The following TRPM3 variants were observed in gnomAD, a reference collection of about 807,000 sequenced individuals.
TRPM3 encodes the protein long transient receptor potential channel 3.
In TRPM3, 77 loss-of-function variants were observed where a neutral mutation model predicts 181.2. That is an observed-to-expected ratio of 0.42 (90% CI 0.35 to 0.51). The LOEUF (loss-of-function observed/expected upper bound fraction) is 0.51. Ranked by LOEUF, TRPM3 falls within the 20% of genes least tolerant of loss-of-function variation. TRPM3 has a pLI of 0.01. For missense variants in TRPM3, 1,759 were observed against 2,196.7 expected (o/e 0.80, Z 3.98); for synonymous variants, 745 against 796.4 (o/e 0.94, Z 1.09).
At chr9:70,642,216 T>C (rs1371276759) in intron 9 of TRPM3, among the ~76,000 whole-genome samples, 1 of 152,114 alleles carries the variant, frequency 6.6e-6, no homozygotes, top group African/African-American at 2.4e-5. Flanking sequence ...GGGGACTGGG[T>C]CTTATTGTCT....
intron 22 of TRPM3, among the ~76,000 whole-genome samples, chr9:70,583,884 C>A (rs2056547523): frequency 6.6e-6 from 1 of 152,156 alleles, no homozygotes; most frequent in Non-Finnish European, 1.5e-5. Flanking sequence ...CCTATTCCTA[C>A]AATGCAAGCT....
At chr9:71,442,587 A>G (rs576541304) in intron 1 of TRPM3, among the ~76,000 whole-genome samples, 1 of 152,350 alleles carries the variant, frequency 6.6e-6, no homozygotes, top group African/African-American at 2.4e-5. Context: ...ATAAAAATAA[A>G]TAAGTAAAGA....
intron 22 of TRPM3, among the ~76,000 whole-genome samples, chr9:70,577,594 C>A (rs998655762): frequency 2.0e-5 from 3 of 152,200 alleles, no homozygotes; most frequent in Admixed American, 2.0e-4. Flanking sequence ...GCTTTTGTAA[C>A]ACACTTGGTA....
At chr9:71,112,035 C>T (rs1368671141) in intron 1 of TRPM3, among the ~76,000 whole-genome samples, 1 of 151,944 alleles carries the variant, frequency 6.6e-6, no homozygotes, top group East Asian at 1.9e-4. Context: ...AAAATAAATC[C>T]TAAGTCATAT....
rs1279557266 is a variant in TRPM3, at chr9:71,087,294, C to A, written c.177+33884G>T. Among the ~76,000 whole-genome samples, 3 of 151,990 alleles carry A rather than the reference C, an allele frequency of 2.0e-5. No homozygotes were observed. The Admixed American group carries it at 2.0e-4, about 10-fold the overall frequency. Reference sequence around the variant, plus strand: ...GTGATTTCCTCTTGGAAGTTTTACTCTCTTTATGCTTATACTGTGCTTATA... The same window carrying A: ...GTGATTTCCTCTTGGAAGTTTTACTATCTTTATGCTTATACTGTGCTTATA... On this transcript the variant is annotated intron_variant, in intron 1 of 25. Coordinates refer to ENST00000677713, the MANE Select transcript of TRPM3 (RefSeq NM_001366145.2).
At chr9:70,666,554 T>G (rs1251885924) in intron 9 of TRPM3, among the ~76,000 whole-genome samples, 2 of 152,198 alleles carry the variant, frequency 1.3e-5, no homozygotes, top group Non-Finnish European at 2.9e-5. Context: ...TCTTCAGAAT[T>G]TTTAAGGCAT....
intron 1 of TRPM3, among the ~76,000 whole-genome samples, chr9:70,956,296 C>CTTTTTTTTTTT (rs537484746): frequency 3.1e-5 from 3 of 97,142 alleles, no homozygotes; most frequent in African/African-American, 4.0e-5. Context: ...AGAAATACAC[C>CTTTTTTTTTTT]TTTTTTTTTT....
chr9:70,843,470 G>A (rs570846574), intron 4 of TRPM3, among the ~76,000 whole-genome samples: 2 of 152,256 alleles, frequency 1.3e-5, no homozygotes, highest in African/African-American at 4.8e-5. Flanking sequence ...AGTATGATTA[G>A]GAGCCAATAG....
At chr9:71,212,516 C>T (rs2079570208) in intron 1 of TRPM3, among the ~76,000 whole-genome samples, 1 of 152,146 alleles carries the variant, frequency 6.6e-6, no homozygotes, top group Admixed American at 6.5e-5. Context: ...CACAGGAACT[C>T]TTAGAGCCTT....
rs1193328686 is a variant in TRPM3 at position 71,112,821 on chromosome 9, A to G, written c.177+8357T>C. Among the ~76,000 whole-genome samples the G allele has an allele frequency of 3.3e-5, 5 of 152,182 alleles. No individual in the cohort carries two copies. In the East Asian group the frequency reaches 9.6e-4, roughly 29 times the overall value. On this transcript the variant is annotated intron_variant, in intron 1 of 25. Transcript: ENST00000677713. ...GAGAGGCGAGCTTTATCTAGCTTAG[A>G]GGATTCAGAGAAATTTTTCTGAACT...
intron 1 of TRPM3, among the ~76,000 whole-genome samples, chr9:71,267,073 T>C (rs562200981): frequency 4.2e-4 from 64 of 152,276 alleles, no homozygotes; most frequent in African/African-American, 1.4e-3. Flanking sequence ...GGCAAATTCA[T>C]GGAGAGTCCC....
chr9:71,328,426 A>G (rs1305217213), intron 1 of TRPM3, among the ~76,000 whole-genome samples: 1 of 152,108 alleles, frequency 6.6e-6, no homozygotes, highest in Non-Finnish European at 1.5e-5. Flanking sequence ...TCGGCCTCCC[A>G]AAGTGCTGGG....
chr9:70,869,910 T>C (rs537954124), intron 1 of TRPM3, among the ~76,000 whole-genome samples: 2 of 152,158 alleles, frequency 1.3e-5, no homozygotes, highest in East Asian at 3.9e-4. Flanking sequence ...ATATTTTAGA[T>C]AATAGTATTC....
chr9:71,435,507 A>G (rs148211554), intron 1 of TRPM3, among the ~76,000 whole-genome samples: 199 of 152,298 alleles, frequency 1.3e-3, no homozygotes, highest in South Asian at 4.8e-3. Flanking sequence ...AACACTCAGA[A>G]ACCCAAAGTG....
chr9:71,420,976 A>G (rs184635899), intron 1 of TRPM3, among the ~76,000 whole-genome samples: 1 of 127,082 alleles, frequency 7.9e-6, no homozygotes, highest in Admixed American at 7.9e-5. Context: ...GGAGAGAAAA[A>G]GAGAGAGAAA....
chr9:71,145,916 TA>T (rs67659317), intron 1 of TRPM3, among the ~76,000 whole-genome samples: 87,008 of 150,180 alleles, frequency 0.58, 27,560 homozygotes, highest in East Asian at 0.72. Context: ...CAAGTTTGGT[TA>T]AAAAAAAAAA....
At position 70,529,137 on chromosome 9, in the gene TRPM3, T is replaced by TCAACTTCTGCTCTGA. The variant is rs776207654; in HGVS notation, c.*6815_*6816insTCAGAGCAGAAGTTG. 20 of 152,194 alleles carry TCAACTTCTGCTCTGA rather than the reference T, an allele frequency of 1.3e-4. 1 individual carries two copies. 9.4% of individuals were successfully genotyped at this position (152,194 alleles called of 1,614,324 possible). A position where few individuals can be genotyped will look rare whatever the true frequency, so the allele number is the denominator to read the frequency against. Reference sequence around the variant, plus strand: ...AAATTTCAGAAAGTTTTTCCCGTGGTATCTGCCAACTTCTGCTCTGAATTG... The same window carrying TCAACTTCTGCTCTGA: ...AAATTTCAGAAAGTTTTTCCCGTGGTCAACTTCTGCTCTGAATCTGCCAACTTCTGCTCTGAATTG... On this transcript the variant is annotated 3_prime_UTR_variant, in exon 26 of 26. Coordinates refer to ENST00000677713, the MANE Select transcript of TRPM3 (RefSeq NM_001366145.2).
rs372667401 is a variant in TRPM3, at chr9:70,845,531, T to C, written c.676+847A>G. Among the ~76,000 whole-genome samples, 67 of 152,160 alleles carry C rather than the reference T, an allele frequency of 4.4e-4. 2 individuals carry two copies. Among genetic ancestry groups the C allele is most frequent in the Non-Finnish European group, 7.2e-4 (49 of 68,012 alleles). On this transcript the variant is annotated intron_variant, in intron 4 of 25. Transcript: ENST00000677713. Reference sequence around the variant, plus strand: ...CTGGGATTACAGGCATGAGCCACCATACCTGGCCCGAGATAATGTGTTATT... The same window carrying C: ...CTGGGATTACAGGCATGAGCCACCACACCTGGCCCGAGATAATGTGTTATT...
At chr9:70,545,534 T>C (rs1268156858) in intron 25 of TRPM3, among the ~76,000 whole-genome samples, 2 of 126,602 alleles carry the variant, frequency 1.6e-5, no homozygotes, top group South Asian at 5.7e-4. Context: ...GAGAAAAGAA[T>C]TTTAATTTTC....
Sources: allele counts gnomAD v4.1 joint callset (sites outside exome capture counted in the v4.1 genomes callset), GRCh38; gene constraint gnomAD v4.1.1; transcripts MANE v1.5; gene names NCBI Gene and HGNC (gene_info 2026-07-23, HGNC 2026-07-21).